XKR6: variants seen among roughly 807,000 people sequenced by gnomAD.
XKR6 encodes XK related 6.
In XKR6, 22 loss-of-function variants were observed where a neutral mutation model predicts 56.7. That is an observed-to-expected ratio of 0.39 (90% CI 0.28 to 0.55). The LOEUF (loss-of-function observed/expected upper bound fraction) is 0.55. Ranked by LOEUF, XKR6 falls within the 20% of genes least tolerant of loss-of-function variation. XKR6 has a pLI of 0.66. For synonymous variants in XKR6, 524 were observed against 387.8 expected, an observed-to-expected ratio of 1.35 and a Z score of -4.13; for missense variants, 852 against 889.0, an observed-to-expected ratio of 0.96 and a Z score of 0.53.
At chr8:10,923,469 G>T (rs1800784765) in intron 2 of XKR6, among the ~76,000 whole-genome samples, 1 of 152,244 alleles carries the variant, frequency 6.6e-6, no homozygotes, top group Non-Finnish European at 1.5e-5. Context: ...TTCATAACCA[G>T]GTCCCCAGGC....
intron 1 of XKR6, chr8:11,123,760 C>T (rs527752959): frequency 2.3e-6 from 1 of 429,530 alleles, no homozygotes; most frequent in Non-Finnish European, 4.7e-6. Flanking sequence ...GAAAAAAAAA[C>T]AAAAAATGAA....
Position 11,148,607 on chromosome 8 carries a change from A to G in XKR6, c.764+51969T>C, listed in dbSNP as rs1801113094. Among the ~76,000 whole-genome samples the G allele has an allele frequency of 3.3e-5, 5 of 152,254 alleles. No individual in the cohort carries two copies. In the South Asian group the frequency reaches 1.0e-3, roughly 31 times the overall value. On this transcript the variant is annotated intron_variant, in intron 1 of 2. Transcript: ENST00000416569. ...TATAAAATGGTTCAACTACTCTGGA[A>G]AACAGTTTCGCAGTTTTTTAAAACC... is the stretch of plus-strand genomic sequence containing the variant.
intron 1 of XKR6, among the ~76,000 whole-genome samples, chr8:10,969,138 G>A (rs1802321209): frequency 1.3e-5 from 2 of 152,176 alleles, no homozygotes; most frequent in East Asian, 3.9e-4. Context: ...CTTATTTCCT[G>A]GGTCAGAGGT....
At chr8:11,083,213 T>G (rs984332298) in intron 1 of XKR6, among the ~76,000 whole-genome samples, 1 of 152,154 alleles carries the variant, frequency 6.6e-6, no homozygotes, top group Non-Finnish European at 1.5e-5. Flanking sequence ...ACCACACACA[T>G]GGCTCAGCAC....
At chr8:11,110,118 G>T (rs1328377801) in intron 1 of XKR6, among the ~76,000 whole-genome samples, 1 of 152,008 alleles carries the variant, frequency 6.6e-6, no homozygotes, top group Non-Finnish European at 1.5e-5. Flanking sequence ...GATTACAGGT[G>T]CCCGCCACCA....
At chr8:11,055,719 G>A (rs1186507095) in intron 1 of XKR6, among the ~76,000 whole-genome samples, 1 of 152,080 alleles carries the variant, frequency 6.6e-6, no homozygotes, top group African/African-American at 2.4e-5. Flanking sequence ...GGGCACATGG[G>A]CTTTCCAGAA....
At chr8:11,001,409 A>C (rs1173704815) in intron 1 of XKR6, among the ~76,000 whole-genome samples, 2 of 152,208 alleles carry the variant, frequency 1.3e-5, no homozygotes, top group Admixed American at 6.5e-5. Context: ...CTCAAATAGA[A>C]GCTGAAGTTG....
intron 1 of XKR6, among the ~76,000 whole-genome samples, chr8:11,041,414 G>T (rs1165587479): frequency 6.6e-6 from 1 of 152,054 alleles, no homozygotes; most frequent in African/African-American, 2.4e-5. Flanking sequence ...AAACTAGCTG[G>T]GCGTGGTGGT....
At chr8:11,029,246 G>A (rs1453589358) in intron 1 of XKR6, among the ~76,000 whole-genome samples, 1 of 152,136 alleles carries the variant, frequency 6.6e-6, no homozygotes, top group East Asian at 1.9e-4. Flanking sequence ...ACCTGGTCTT[G>A]TGCAAAGATC....
intron 1 of XKR6, among the ~76,000 whole-genome samples, chr8:11,195,568 T>G (rs1382076188): frequency 1.3e-5 from 2 of 151,994 alleles, no homozygotes; most frequent in Non-Finnish European, 2.9e-5. Context: ...TTCTTCAAAG[T>G]TTTTTTTGAC....
At chr8:11,172,074 A>G (rs974567839) in intron 1 of XKR6, among the ~76,000 whole-genome samples, 13 of 151,710 alleles carry the variant, frequency 8.6e-5, no homozygotes, top group African/African-American at 3.2e-4. Flanking sequence ...AAAAAAAAAA[A>G]GTTACCCAGT....
At chr8:10,980,633 A>G (rs975470868) in intron 1 of XKR6, among the ~76,000 whole-genome samples, 5 of 152,182 alleles carry the variant, frequency 3.3e-5, no homozygotes, top group African/African-American at 9.7e-5. Flanking sequence ...TCCATGTTAC[A>G]CGGATCATGA....
At chr8:11,139,849 G>A (rs1040386083) in intron 1 of XKR6, among the ~76,000 whole-genome samples, 2 of 152,112 alleles carry the variant, frequency 1.3e-5, no homozygotes, top group Non-Finnish European at 2.9e-5. Context: ...AACTTACTAC[G>A]AGAGAAAGAT....
At chr8:11,093,191 GA>G (rs1318363028) in intron 1 of XKR6, among the ~76,000 whole-genome samples, 1 of 152,032 alleles carries the variant, frequency 6.6e-6, no homozygotes, top group Non-Finnish European at 1.5e-5. Flanking sequence ...AATTAGCTGG[GA>G]ACACAGGCGT....
At chr8:11,037,125 C>T (rs1183671508) in intron 1 of XKR6, among the ~76,000 whole-genome samples, 1 of 152,232 alleles carries the variant, frequency 6.6e-6, no homozygotes, top group Non-Finnish European at 1.5e-5. Flanking sequence ...TCTCAAATTT[C>T]TGCATCTGTT....
At chr8:11,171,653 A>T (rs1332483640) in intron 1 of XKR6, among the ~76,000 whole-genome samples, 1 of 152,184 alleles carries the variant, frequency 6.6e-6, no homozygotes, top group East Asian at 1.9e-4. Context: ...GCCTTCTGCC[A>T]TGAGTGGAAG....
chr8:11,062,520 C>T (rs1274569131), intron 1 of XKR6: 1 of 354,392 alleles, frequency 2.8e-6, no homozygotes. Context: ...ACCATCTCTC[C>T]TCTACCTGCC....
chr8:10,935,679 C>T (rs561074857), intron 1 of XKR6, among the ~76,000 whole-genome samples: 1 of 150,928 alleles, frequency 6.6e-6, no homozygotes, highest in Non-Finnish European at 1.5e-5. Context: ...TTCAGGAGCA[C>T]GTTGTTCAGT....
chr8:10,907,040 C>T (rs1800205818), intron 2 of XKR6, among the ~76,000 whole-genome samples: 1 of 151,472 alleles, frequency 6.6e-6, no homozygotes, highest in African/African-American at 2.4e-5. Flanking sequence ...GAGCAAGACT[C>T]CATCTCAGAA....
Sources: allele counts gnomAD v4.1 joint callset (sites outside exome capture counted in the v4.1 genomes callset), GRCh38; gene constraint gnomAD v4.1.1; transcripts MANE v1.5; gene names NCBI Gene and HGNC (gene_info 2026-07-23, HGNC 2026-07-21).